Variants in ZNF396 observed in about 807,000 individuals in gnomAD.
ZNF396 encodes zinc finger and SCAN domain-containing protein 14.
In ZNF396, 14 loss-of-function variants were observed where a neutral mutation model predicts 20.5. The observed-to-expected ratio is 0.68, with a 90% CI of 0.45 to 1.07. The LOEUF (loss-of-function observed/expected upper bound fraction) is 1.07, where lower values mean the gene tolerates loss of function less well. Ranked by LOEUF, ZNF396 falls within the 50% of genes least tolerant of loss-of-function variation. The probability of loss-of-function intolerance (pLI) is 0.00; values close to 1 mark genes in which losing one functional copy is unlikely to be tolerated. For missense variants in ZNF396, 347 were observed against 390.1 expected (o/e 0.89, Z 0.93); for synonymous variants, 119 against 140.6 (o/e 0.85, Z 1.08).
At position 35,373,363 on chromosome 18, in the gene ZNF396, G is replaced by T. The variant is rs753662536; in HGVS notation, c.562+93C>A. 3 of 1,435,712 alleles carry T rather than the reference G, an allele frequency of 2.1e-6. No individual in the cohort carries two copies. The South Asian group carries it at 4.8e-5, about 23-fold the overall frequency. The allele number at this position is 1,435,712 out of a possible 1,614,324, so 88.9% of individuals were successfully genotyped here. ...CAGTAAGGAGGAGATGAGAGGGGGA[G>T]ATTTGAGGCCTCTTGCATAAATCAG... On this transcript the variant is annotated intron_variant, in intron 3 of 3. Coordinates refer to ENST00000589332, the MANE Select transcript of ZNF396 (RefSeq NM_001322286.2).
In ZNF396 at chr18:35,366,786, CT is replaced by C. The variant is rs2045104650; in HGVS notation, c.*2428del. ...ACCAAGGTTAGCTCAATGAATTCTC[CT>C]TTTATATAAACTAGTACCATTCACT... On this transcript the variant is annotated 3_prime_UTR_variant, in exon 4 of 4. Coordinates refer to ENST00000589332, the MANE Select transcript of ZNF396 (RefSeq NM_001322286.2). 1 of 152,084 alleles carries C rather than the reference CT, an allele frequency of 6.6e-6. No individual in the cohort carries two copies. The highest frequency in any genetic ancestry group is 1.5e-5 in the Non-Finnish European group (1 of 67,978). 9.4% of individuals were successfully genotyped at this position (152,084 alleles called of 1,614,324 possible).
chr18:35,369,302 G>T lies in ZNF396; in HGVS notation c.921C>A (p.Tyr307Ter), dbSNP rs1431984276. 4.3e-6 allele frequency: 7 copies of T among 1,614,082 alleles called. No individual in the cohort carries two copies. The Admixed American group carries it at 1.0e-4, about 23-fold the overall frequency. The change falls in exon 4 of 4, where the codon TAC becomes TAA. Residue 307 changes from tyrosine to a stop codon, truncating the protein, a stop_gained. Coordinates refer to ENST00000589332, the MANE Select transcript of ZNF396 (RefSeq NM_001322286.2). LOFTEE classifies it low-confidence loss of function (END_TRUNC). ...AGGCTTTGCCACAGTCATGACACTT[G>T]TAGGGCTTCTCACCAGTATGGGTTC... ...HRRTHTGEKPYKCHDCGKAFS... is the reference protein window; with the variant it reads ...HRRTHTGEKP
At chr18:35,373,771 T>A in intron 2 of ZNF396, 105 bp downstream of exon 2, 2 of 1,509,828 alleles carry the variant, frequency 1.3e-6, no homozygotes, top group African/African-American at 1.4e-5. Context: ...CCCCTATACA[T>A]CCAGTTGTGC....
Position 35,373,621 on chromosome 18 carries a change from G to A in ZNF396, c.418-21C>T, listed in dbSNP as rs758821023. 7 of 1,612,214 alleles carry A rather than the reference G, an allele frequency of 4.3e-6. No individual in the cohort carries two copies. In the East Asian group the frequency reaches 1.3e-4, roughly 31 times the overall value. On this transcript the variant is annotated intron_variant, in intron 2 of 3. Coordinates refer to ENST00000589332, the MANE Select transcript of ZNF396 (RefSeq NM_001322286.2). ...AAGATCTAAAAACAGGAATAATTGAGGCTGAAGAACACCATCAGGTTGGGA... is the reference window on the plus strand; with the variant it reads ...AAGATCTAAAAACAGGAATAATTGAAGCTGAAGAACACCATCAGGTTGGGA...
In ZNF396 at chr18:35,369,248, A is replaced by G. The variant is rs756597684; in HGVS notation, c.975T>C (p.His325=). ...CTTTTTTTCTAATGTGTCTTTTCCT[A>G]TGTCTAAAAAGATTTGAGCTCTGAC... ...AFSQSSNLFR[H]RKRHIRKKVP The change falls in exon 4 of 4, where the codon CAT becomes CAC. Residue 325 remains histidine (H), a synonymous_variant. Transcript: ENST00000589332. The G allele has an allele frequency of 6.2e-6, 10 of 1,604,650 alleles. No individual in the cohort carries two copies. In the Admixed American group the frequency reaches 8.7e-5, roughly 14 times the overall value.
Position 35,368,480 on chromosome 18 carries a change from ATT to A in ZNF396, c.*733_*734del, listed in dbSNP as rs374405615. 2.6e-5 allele frequency: 10 copies of A among 381,416 alleles called. No individual in the cohort carries two copies. Among genetic ancestry groups the A allele is most frequent in the Middle Eastern group, 4.8e-4 (1 of 2,090 alleles). 23.6% of individuals were successfully genotyped at this position (381,416 alleles called of 1,614,324 possible). A position where few individuals can be genotyped will look rare whatever the true frequency, so the allele number is the denominator to read the frequency against. ...GAAGACAAAATAGGAATTTATTTTT[ATT>A]TTTATTTATTTATTTATTTATTTAT... On this transcript the variant is annotated 3_prime_UTR_variant, in exon 4 of 4. Coordinates refer to ENST00000589332, the MANE Select transcript of ZNF396 (RefSeq NM_001322286.2).
Position 35,369,113 on chromosome 18 carries a change from T to G in ZNF396, c.*102A>C. 6.9e-7 allele frequency: 1 copy of G among 1,443,510 alleles called. No homozygotes were observed. The highest frequency in any genetic ancestry group is 1.4e-5 in the African/African-American group (1 of 69,718). The allele number at this position is 1,443,510 out of a possible 1,614,324, so 89.4% of individuals were successfully genotyped here. ...TTCATGAGTCTTGAAAGGAGACTGG[T>G]GCTTACTAAGACCACTGATTTGTAC... is the stretch of plus-strand genomic sequence containing the variant. On this transcript the variant is annotated 3_prime_UTR_variant, in exon 4 of 4. Transcript: ENST00000589332.
chr18:35,368,176 G>A lies in ZNF396; in HGVS notation c.*1039C>T, dbSNP rs372975414. ...AGCACCCATAGATTAATATTGTTAT[G>A]AAAACATTCCTTATGTTTAGCTGAC... On this transcript the variant is annotated 3_prime_UTR_variant, in exon 4 of 4. Coordinates refer to ENST00000589332, the MANE Select transcript of ZNF396 (RefSeq NM_001322286.2). 12 of 340,328 alleles carry A rather than the reference G, an allele frequency of 3.5e-5. 1 individual carries two copies. Among genetic ancestry groups the A allele is most frequent in the East Asian group, 4.5e-5 (1 of 22,324 alleles). 21.1% of individuals were successfully genotyped at this position (340,328 alleles called of 1,614,324 possible).
At position 35,368,640 on chromosome 18, in the gene ZNF396, C is replaced by T. The variant is rs2045129110; in HGVS notation, c.*575G>A. 6 of 620,528 alleles carry T rather than the reference C, an allele frequency of 9.7e-6. No homozygotes were observed. The highest frequency in any genetic ancestry group is 7.2e-5 in the South Asian group (1 of 13,888). The allele number at this position is 620,528 out of a possible 1,614,324, so 38.4% of individuals were successfully genotyped here. On this transcript the variant is annotated 3_prime_UTR_variant, in exon 4 of 4. Transcript: ENST00000589332. ...CTAATTTTTTGAATTTTAGTAGAGACGGGGTTTCGCCGTGTTGTCCAGGCT... is the reference window on the plus strand; with the variant it reads ...CTAATTTTTTGAATTTTAGTAGAGATGGGGTTTCGCCGTGTTGTCCAGGCT...
At position 35,369,079 on chromosome 18, in the gene ZNF396, C is replaced by G; in HGVS notation, c.*136G>C. On this transcript the variant is annotated 3_prime_UTR_variant, in exon 4 of 4. Transcript: ENST00000589332. ...TGACCTGAGATCTTCAACCTTCTCT[C>G]CTGTGGCTTTCATGAGTCTTGAAAG... 1 of 1,421,030 alleles carries G rather than the reference C, an allele frequency of 7.0e-7. No individual in the cohort carries two copies. Among genetic ancestry groups the G allele is most frequent in the Non-Finnish European group, 9.2e-7 (1 of 1,091,286 alleles). 88.0% of individuals were successfully genotyped at this position (1,421,030 alleles called of 1,614,324 possible).
rs2045193547 is a variant in ZNF396 at position 35,372,278 on chromosome 18, C to T, written c.562+1178G>A. 2.6e-5 allele frequency: 4 copies of T among 152,226 alleles called. No individual in the cohort carries two copies. In the South Asian group the frequency reaches 8.3e-4, roughly 32 times the overall value. The allele number at this position is 152,226 out of a possible 1,614,324, so 9.4% of individuals were successfully genotyped here. ...CTGCTGAGGCTGGGATGGTCTCCCT[C>T]CCTTTCCTGACGGAAAATACTTTTT... On this transcript the variant is annotated intron_variant, in intron 3 of 3. Transcript: ENST00000589332.
At chr18:35,376,224 C>T (rs1420122309) in intron 1 of ZNF396, 3 of 152,186 alleles carry the variant, frequency 2.0e-5, no homozygotes, top group Non-Finnish European at 4.4e-5. Flanking sequence ...CCTGTGAGTT[C>T]ATAAAGTTGT....
chr18:35,374,067 G>A lies in ZNF396; in HGVS notation c.226C>T (p.Leu76Phe), dbSNP rs764277597. ...PHEALSRLWE[L>F]CHLWLRPEVH... The stretch of plus-strand genomic sequence containing the variant: ...TCCGGCCTCAGCCAGAGATGACAAA[G>A]TTCCCAGAGCCGGCTCAGAGCCTCA... Residue 76 changes from leucine to phenylalanine, a missense_variant, in exon 2 of 4, where the codon CTT (leucine) becomes TTT (phenylalanine). Leu to Phe is a conservative substitution (Grantham distance 22). Coordinates refer to ENST00000589332, the MANE Select transcript of ZNF396 (RefSeq NM_001322286.2). This position sits in a 1 kb window ranked among gnomAD's most constrained non-coding sequence, Gnocchi z 4.3. 3 of 1,614,242 alleles carry A rather than the reference G, an allele frequency of 1.9e-6. No individual in the cohort carries two copies. Among genetic ancestry groups the A allele is most frequent in the Non-Finnish European group, 1.7e-6 (2 of 1,180,040 alleles).
rs1481107043 is a variant in ZNF396 at position 35,374,189 on chromosome 18, T to C, written c.104A>G (p.Asp35Gly). Residue 35 changes from aspartate (D) to glycine (G), a missense_variant, in exon 2 of 4, where the codon GAT becomes GGT. Asp to Gly is a moderately conservative substitution (Grantham distance 94). Transcript: ENST00000589332. This position sits in a 1 kb window ranked among gnomAD's most constrained non-coding sequence, Gnocchi z 4.3. ...EKMEEEEQTCDPDSSLHWSSS... is the reference protein window; with the variant it reads ...EKMEEEEQTCGPDSSLHWSSS... ...GCTCCAGTGGAGGCTAGAGTCTGGA[T>C]CACAGGTCTGCTCTTCCTCTTCCAT... 3.1e-6 allele frequency: 5 copies of C among 1,614,206 alleles called. No individual in the cohort carries two copies. Among genetic ancestry groups the C allele is most frequent in the Non-Finnish European group, 4.2e-6 (5 of 1,180,042 alleles).
chr18:35,377,174 G>C (rs1294630836), intron 1 of ZNF396, 104 bp downstream of exon 1: 2 of 152,348 alleles, frequency 1.3e-5, no homozygotes, highest in Admixed American at 1.3e-4. Flanking sequence ...GAAGGGAGGG[G>C]TGGCGACGAG....
At chr18:35,376,912 G>A (rs956764202) in intron 1 of ZNF396, among the ~76,000 whole-genome samples, 19 of 152,142 alleles carry the variant, frequency 1.2e-4, no homozygotes, top group African/African-American at 3.6e-4. Flanking sequence ...ACCCTGCTGT[G>A]GTGGGCCGGC....
rs762103030 is a variant in ZNF396 at position 35,369,214 on chromosome 18, C to G, written c.*1G>C. 22 of 1,558,722 alleles carry G rather than the reference C, an allele frequency of 1.4e-5. No homozygotes were observed. Among genetic ancestry groups the G allele is most frequent in the South Asian group, 3.6e-5 (3 of 83,842 alleles). ...TAAATGCTTTGATTCCCTCATGATACTTATGGGACTTTTTTTCTAATGTGT... is the reference window on the plus strand; with the variant it reads ...TAAATGCTTTGATTCCCTCATGATAGTTATGGGACTTTTTTTCTAATGTGT... On this transcript the variant is annotated 3_prime_UTR_variant, in exon 4 of 4. Coordinates refer to ENST00000589332, the MANE Select transcript of ZNF396 (RefSeq NM_001322286.2).
rs193035228 is a variant in ZNF396 at position 35,372,983 on chromosome 18, G to C, written c.562+473C>G. ...CTTATAGAAAGCAATGCAAAGAGCA[G>C]TTGAGGCCAGTTGAAGATGTGAGGG... On this transcript the variant is annotated intron_variant, in intron 3 of 3. Transcript: ENST00000589332. 4.6e-4 allele frequency: 74 copies of C among 160,172 alleles called. 1 individual carries two copies. Among genetic ancestry groups the C allele is most frequent in the African/African-American group, 1.7e-3 (73 of 41,912 alleles). The allele number at this position is 160,172 out of a possible 1,614,324, so 9.9% of individuals were successfully genotyped here.
At chr18:35,370,862 G>A (rs1287118509) in intron 3 of ZNF396, among the ~76,000 whole-genome samples, 17 of 152,200 alleles carry the variant, frequency 1.1e-4, no homozygotes, top group Non-Finnish European at 1.6e-4. Flanking sequence ...CTTAAAATGA[G>A]TTTATAAAAG....
Sources: gnomAD v4.1 joint callset for allele counts (sites outside exome capture counted in the v4.1 genomes callset) on GRCh38, gnomAD v4.1.1 for gene constraint, Gnocchi (gnomAD v3.1) non-coding constraint, MANE v1.5 for transcripts, NCBI Gene and HGNC (gene_info 2026-07-23, HGNC 2026-07-21) for gene names.